BBS9: variants seen among roughly 807,000 people sequenced by gnomAD.
BBS9 encodes the protein Bardet-Biedl syndrome 9.
BBS9 carries 89 observed loss-of-function variants against 117.7 expected under a neutral mutation model. The observed-to-expected ratio is 0.76, with a 90% confidence interval of 0.64 to 0.90. The LOEUF (loss-of-function observed/expected upper bound fraction) is 0.90. BBS9 is among the 40% of genes least tolerant of loss of function. The pLI is 0.00. For synonymous variants in BBS9, 379 were observed against 370.9 expected (o/e 1.02, Z -0.25); for missense variants, 982 against 1,042.2 (o/e 0.94, Z 0.80).
chr7:33,212,181 C>G (rs1252637494), intron 5 of BBS9, among the ~76,000 whole-genome samples: 2 of 152,208 alleles, frequency 1.3e-5, no homozygotes, highest in East Asian at 1.9e-4. Flanking sequence ...CTCTCTACCT[C>G]CTCATCAAGG....
intron 19 of BBS9, among the ~76,000 whole-genome samples, chr7:33,465,737 A>T (rs991853638): frequency 2.6e-5 from 4 of 152,164 alleles, no homozygotes; most frequent in Non-Finnish European, 4.4e-5. Context: ...GAGTTAATAC[A>T]TATGGATACA....
chr7:33,203,785 T>C (rs1786362551), intron 5 of BBS9, among the ~76,000 whole-genome samples: 2 of 152,012 alleles, frequency 1.3e-5, no homozygotes, highest in East Asian at 3.9e-4. Context: ...TGCAGTGCCA[T>C]GATCTTGGCT....
chr7:33,340,534 A>G (rs1816301892), intron 10 of BBS9, among the ~76,000 whole-genome samples: 1 of 152,092 alleles, frequency 6.6e-6, no homozygotes, highest in South Asian at 2.1e-4. Flanking sequence ...TTGGGAGTAG[A>G]ATTAAGTCAC....
At chr7:33,374,901 CAAAAAAAAAAAAA>C (rs954530141) in intron 17 of BBS9, among the ~76,000 whole-genome samples, 3 of 64,510 alleles carry the variant, frequency 4.7e-5, no homozygotes, top group African/African-American at 1.7e-4. Context: ...AACTCCGTCT[CAAAAAAAAAAAAA>C]AAAAAAAAAC....
chr7:33,491,081 A>G lies in BBS9; in HGVS notation c.2116-14382A>G, dbSNP rs1444727343. ...GGCCTATAGTAGGTCCTACCTAGGA[A>G]GTATGGGGAGAGGGATCATTGTGTA... On this transcript the variant is annotated intron_variant, in intron 19 of 22. Transcript: ENST00000242067. Among the ~76,000 whole-genome samples, 6 of 152,318 alleles carry G rather than the reference A, an allele frequency of 3.9e-5. No homozygotes were observed. In the East Asian group the frequency reaches 1.2e-3, roughly 29 times the overall value.
chr7:33,631,289 A>G (rs1865880562), intron 21 of BBS9, among the ~76,000 whole-genome samples: 1 of 152,076 alleles, frequency 6.6e-6, no homozygotes. Flanking sequence ...GGTGATATTT[A>G]TCCCAGCAGC....
intron 21 of BBS9, among the ~76,000 whole-genome samples, chr7:33,583,555 G>A (rs1164753453): frequency 6.6e-6 from 1 of 152,014 alleles, no homozygotes; most frequent in Non-Finnish European, 1.5e-5. Flanking sequence ...TACAAGCCAG[G>A]ATAAGATAAA....
intron 5 of BBS9, among the ~76,000 whole-genome samples, chr7:33,184,137 A>G (rs1370349152): frequency 6.6e-6 from 1 of 151,952 alleles, no homozygotes; most frequent in Non-Finnish European, 1.5e-5. Flanking sequence ...GAAGAAAGGC[A>G]AGGGAAGGGA....
Position 33,605,329 on chromosome 7 carries a change from T to C in BBS9, c.*103T>C, listed in dbSNP as rs1050719. 386,663 of 1,235,182 alleles carry C rather than the reference T, an allele frequency of 0.31. 71,769 individuals carry two copies. Among genetic ancestry groups the C allele is most frequent in the African/African-American group, 0.69 (46,769 of 67,426 alleles). 76.5% of individuals were successfully genotyped at this position (1,235,182 alleles called of 1,614,324 possible). A position where few individuals can be genotyped will look rare whatever the true frequency, so the allele number is the denominator to read the frequency against. Reference sequence around the variant, plus strand: ...ATATAGGGCTGGCGCAGGTGCTTCCTAAAGCTCACCTTCCTGGAGATGACA... The same window carrying C: ...ATATAGGGCTGGCGCAGGTGCTTCCCAAAGCTCACCTTCCTGGAGATGACA... On this transcript the variant is annotated 3_prime_UTR_variant, in exon 23 of 23. Coordinates refer to ENST00000242067, the MANE Select transcript of BBS9 (RefSeq NM_198428.3).
intron 1 of BBS9, among the ~76,000 whole-genome samples, chr7:33,137,590 C>G (rs948541270): frequency 6.6e-6 from 1 of 152,174 alleles, no homozygotes; most frequent in African/African-American, 2.4e-5. Context: ...TTAGTGGTAT[C>G]CCAACTTTGT....
In BBS9 at chr7:33,152,750, C is replaced by G. The variant is rs1315618791; in HGVS notation, c.162C>G (p.Pro54=). ...TGGGATACCTAAGGATCTTTAGCCCCCATCCTGCAAAAACAGGAGATGGAG... is the reference window on the plus strand; with the variant it reads ...TGGGATACCTAAGGATCTTTAGCCCGCATCCTGCAAAAACAGGAGATGGAG... ...SFMGYLRIFS[P]HPAKTGDGAQ... Residue 54 remains proline (P), a synonymous_variant, in exon 3 of 23, where the codon CCC becomes CCG. Transcript: ENST00000242067. The G allele has an allele frequency of 1.9e-6, 3 of 1,613,284 alleles. No individual in the cohort carries two copies. The highest frequency in any genetic ancestry group is 2.5e-6 in the Non-Finnish European group (3 of 1,179,772).
intron 21 of BBS9, among the ~76,000 whole-genome samples, chr7:33,621,043 C>T (rs181790183): frequency 3.9e-5 from 6 of 152,186 alleles, no homozygotes; most frequent in Admixed American, 2.6e-4. Context: ...AAAAATTGCC[C>T]CTTATCTCAC....
chr7:33,249,226 GACACACACACAC>G (rs143505945), intron 5 of BBS9, among the ~76,000 whole-genome samples: 2 of 148,324 alleles, frequency 1.3e-5, no homozygotes, highest in Admixed American at 1.4e-4. Flanking sequence ...TGGGCATGGG[GACACACACACAC>G]ACACACACAC....
chr7:33,351,391 G>A (rs1048676839), intron 14 of BBS9, 68 bp downstream of exon 14: 1 of 1,017,376 alleles, frequency 9.8e-7, no homozygotes, highest in Non-Finnish European at 1.6e-6. Flanking sequence ...ATGCATTTAA[G>A]ATGAGAAAAC....
At position 33,486,022 on chromosome 7, in the gene BBS9, G is replaced by A. The variant is rs531235686; in HGVS notation, c.2116-19441G>A. ...TCCTAACTTTGGAAATTAATCTTTC[G>A]TGTGTTCTTGTTGGCGGTGTGGGAG... On this transcript the variant is annotated intron_variant, in intron 19 of 22. Coordinates refer to ENST00000242067, the MANE Select transcript of BBS9 (RefSeq NM_198428.3). 2.4e-4 allele frequency among the ~76,000 whole-genome samples: 36 copies of A among 152,258 alleles called. 1 individual carries two copies. The highest frequency in any genetic ancestry group is 6.7e-4 in the African/African-American group (28 of 41,564).
At chr7:33,259,420 G>C (rs999300983) in intron 6 of BBS9, among the ~76,000 whole-genome samples, 2 of 152,086 alleles carry the variant, frequency 1.3e-5, no homozygotes, top group Admixed American at 6.5e-5. Context: ...TCTTTTAATA[G>C]GTTAGGGGAT....
At chr7:33,479,880 G>C (rs1339502830) in intron 19 of BBS9, among the ~76,000 whole-genome samples, 1 of 152,086 alleles carries the variant, frequency 6.6e-6, no homozygotes, top group Non-Finnish European at 1.5e-5. Flanking sequence ...TCTGAGAAGT[G>C]TCTGTTCATG....
At chr7:33,303,634 G>A (rs544294042) in intron 9 of BBS9, among the ~76,000 whole-genome samples, 3 of 149,224 alleles carry the variant, frequency 2.0e-5, no homozygotes, top group East Asian at 4.0e-4. Context: ...TTCACCTGCC[G>A]AGTGTCTGGG....
intron 7 of BBS9, among the ~76,000 whole-genome samples, 158 bp from the exon 8 acceptor site, chr7:33,272,854 G>T (rs1244889924): frequency 6.6e-6 from 1 of 150,640 alleles, no homozygotes; most frequent in East Asian, 1.9e-4. Context: ...CAGAAAAATG[G>T]TCATAGTGAT....
Sources: gnomAD v4.1 joint callset for allele counts (sites outside exome capture counted in the v4.1 genomes callset) on GRCh38, gnomAD v4.1.1 for gene constraint, MANE v1.5 for transcripts, NCBI Gene and HGNC (gene_info 2026-07-23, HGNC 2026-07-21) for gene names.